Variants in ZNF541 observed in about 807,000 individuals in gnomAD.
ZNF541 encodes zinc finger protein 541.
ZNF541 carries 23 observed loss-of-function variants against 123.5 expected under a neutral mutation model. The ratio of observed to expected loss-of-function variants is 0.19; its 90% CI spans 0.13 to 0.26. ZNF541 has a LOEUF of 0.26. Among genes scored for constraint, ZNF541 ranks in the 10% least tolerant of loss-of-function variants. The pLI, the probability that ZNF541 is intolerant of heterozygous loss-of-function variation, is 1.00. For missense variants in ZNF541, 1,612 were observed against 1,789.9 expected, an observed-to-expected ratio of 0.90 and a Z score of 1.79; for synonymous variants, 751 against 754.5, an observed-to-expected ratio of 1.00 and a Z score of 0.08.
intron 3 of ZNF541, among the ~76,000 whole-genome samples, chr19:47,550,160 G>A (rs1046493312): frequency 2.0e-5 from 3 of 152,062 alleles, no homozygotes; most frequent in African/African-American, 2.4e-5. Context: ...GCTGAGGCAC[G>A]AGAACTGCTT....
At chr19:47,567,598 A>G (rs1440104379) in intron 2 of ZNF541, among the ~76,000 whole-genome samples, 1 of 152,220 alleles carries the variant, frequency 6.6e-6, no homozygotes, top group Non-Finnish European at 1.5e-5. Flanking sequence ...AATGGCTACC[A>G]TATCAGATGG....
intron 2 of ZNF541, among the ~76,000 whole-genome samples, chr19:47,558,278 T>C (rs929727226): frequency 2.0e-5 from 3 of 151,744 alleles, no homozygotes; most frequent in East Asian, 2.0e-4. Context: ...TAGCCGGGCA[T>C]GGTGGTGGGC....
intron 2 of ZNF541, among the ~76,000 whole-genome samples, chr19:47,560,891 C>G (rs889893550): frequency 4.6e-5 from 7 of 151,992 alleles, no homozygotes; most frequent in African/African-American, 1.7e-4. Flanking sequence ...GAATAAAAAG[C>G]AATAAGCTAT....
At chr19:47,540,865 A>G in intron 6 of ZNF541, 28 bp downstream of exon 6, 1 of 1,549,374 alleles carries the variant, frequency 6.5e-7, no homozygotes, top group Non-Finnish European at 8.7e-7. Context: ...GCCAGGGTGC[A>G]TGCAGGATCG....
intron 2 of ZNF541, among the ~76,000 whole-genome samples, chr19:47,565,952 G>A (rs536440472): frequency 5.9e-5 from 9 of 152,246 alleles, no homozygotes; most frequent in African/African-American, 1.4e-4. Context: ...TGAGGTGTGC[G>A]GATCACTTGA....
At position 47,521,691 on chromosome 19, in the gene ZNF541, C is replaced by T. The variant is rs762014384; in HGVS notation, c.3712-37G>A. On this transcript the variant is annotated intron_variant, in intron 15 of 16. Coordinates refer to ENST00000391901, the MANE Select transcript of ZNF541 (RefSeq NM_001277075.3). The surrounding 1 kb of genome is among the most constrained non-coding windows in gnomAD (Gnocchi z 4.2). Reference sequence around the variant, plus strand: ...GCAAAAGTGACATAAGGGTGCTGACCTGTCCTGCTGTAAGAGAGACACAGA... The same window carrying T: ...GCAAAAGTGACATAAGGGTGCTGACTTGTCCTGCTGTAAGAGAGACACAGA... 8.4e-6 allele frequency: 13 copies of T among 1,545,904 alleles called. 1 individual carries two copies. The highest frequency in any genetic ancestry group is 8.4e-5 in the South Asian group (7 of 83,408).
intron 2 of ZNF541, among the ~76,000 whole-genome samples, chr19:47,558,991 G>A (rs960540511): frequency 5.3e-5 from 8 of 151,358 alleles, no homozygotes; most frequent in East Asian, 3.9e-4. Flanking sequence ...TGATCCACCC[G>A]CCTCGGCCTC....
At position 47,571,763 on chromosome 19, in the gene ZNF541, T is replaced by C. The variant is rs142265382; in HGVS notation, c.-99+133A>G. Among the ~76,000 whole-genome samples the C allele has an allele frequency of 5.3e-3, 801 of 152,324 alleles. 16 individuals are homozygous for C. The highest frequency in any genetic ancestry group is 0.018 in the African/African-American group (742 of 41,570). On this transcript the variant is annotated intron_variant, in intron 2 of 16. Transcript: ENST00000391901. ...TAAATAGCCCTTTTCCCTGTTTGAC[T>C]TCTCCAAAGCAGTAACTTGTATGAT...
chr19:47,551,052 T>TA (rs1555775380), intron 3 of ZNF541, among the ~76,000 whole-genome samples: 13 of 147,220 alleles, frequency 8.8e-5, no homozygotes, highest in Admixed American at 2.7e-4. Context: ...TTTTTTTTTT[T>TA]AATTTTTTTT....
At chr19:47,532,828 G>C (rs989196779) in intron 10 of ZNF541, 81 bp downstream of exon 10, 1 of 1,409,432 alleles carries the variant, frequency 7.1e-7, no homozygotes, top group South Asian at 1.3e-5. Flanking sequence ...CCCCACCATG[G>C]GAAGAAGGAA....
chr19:47,565,830 C>A (rs1971240343), intron 2 of ZNF541, among the ~76,000 whole-genome samples: 1 of 152,048 alleles, frequency 6.6e-6, no homozygotes, highest in Non-Finnish European at 1.5e-5. Flanking sequence ...AGTTTTAAAA[C>A]AATTTAAGTC....
At chr19:47,546,823 C>T (rs913151039) in intron 4 of ZNF541, among the ~76,000 whole-genome samples, 7 of 152,118 alleles carry the variant, frequency 4.6e-5, no homozygotes, top group South Asian at 2.1e-4. Flanking sequence ...CAGGTTCAAG[C>T]GATTCTTGTG....
chr19:47,529,500 C>T (rs2078690251), intron 13 of ZNF541, 77 bp downstream of exon 13: 3 of 1,438,392 alleles, frequency 2.1e-6, no homozygotes, highest in Non-Finnish European at 2.9e-6. Context: ...GAGGCAGGGG[C>T]AGAGCTTGCA....
intron 2 of ZNF541, among the ~76,000 whole-genome samples, chr19:47,562,005 T>C (rs926612227): frequency 2.0e-5 from 3 of 152,172 alleles, no homozygotes; most frequent in Admixed American, 2.0e-4. Flanking sequence ...TCCCAGCATT[T>C]TGGGAGGCCG....
Position 47,549,300 on chromosome 19 carries a change from C to T in ZNF541, c.493G>A (p.Glu165Lys). 6.4e-7 allele frequency: 1 copy of T among 1,551,938 alleles called. No individual in the cohort carries two copies. Among genetic ancestry groups the T allele is most frequent in the Non-Finnish European group, 8.7e-7 (1 of 1,147,056 alleles). ...CAGATTTTGCAGACGTGCTTCCTTTCCTGGCTGTGTGTCAGGTAGTGCTTG... is the reference window on the plus strand; with the variant it reads ...CAGATTTTGCAGACGTGCTTCCTTTTCTGGCTGTGTGTCAGGTAGTGCTTG... ...LSKHYLTHSQERKHVCKICSK... is the reference protein window; with the variant it reads ...LSKHYLTHSQKRKHVCKICSK... Residue 165 changes from glutamate (E) to lysine (K), a missense_variant, in exon 4 of 17, where the codon GAA becomes AAA. Glu to Lys is a moderately conservative substitution (Grantham distance 56). Transcript: ENST00000391901.
intron 2 of ZNF541, among the ~76,000 whole-genome samples, chr19:47,567,250 AATTTATTT>A (rs542929615): frequency 1.3e-4 from 20 of 151,802 alleles, no homozygotes; most frequent in African/African-American, 4.3e-4. Flanking sequence ...AGTTTAGTTA[AATTTATTT>A]ATTTATTTAT....
chr19:47,544,565 G>A lies in ZNF541; in HGVS notation c.1964C>T (p.Ala655Val). Reference sequence around the variant, plus strand: ...CGGTGCTGCAAGGGGCGTTGGAACCGCGGCCACTTTCAGTCCCCCCTTTGC... The same window carrying A: ...CGGTGCTGCAAGGGGCGTTGGAACCACGGCCACTTTCAGTCCCCCCTTTGC... ...RDAKGGLKVAAVPTPLAAPSL... is the reference protein window; with the variant it reads ...RDAKGGLKVAVVPTPLAAPSL... The change falls in exon 5 of 17, where the codon GCG becomes GTG. Residue 655 changes from alanine to valine, a missense_variant. By Grantham distance (64) the Ala-to-Val change is moderately conservative (BLOSUM62 0). Transcript: ENST00000391901. 1 of 1,551,584 alleles carries A rather than the reference G, an allele frequency of 6.4e-7. No homozygotes were observed.
At chr19:47,556,721 A>G (rs1049047087) in intron 2 of ZNF541, among the ~76,000 whole-genome samples, 1 of 150,992 alleles carries the variant, frequency 6.6e-6, no homozygotes, top group African/African-American at 2.4e-5. Context: ...ATACGTTTCT[A>G]TATAGATTAA....
rs1482250869 is a variant in ZNF541 at position 47,545,049 on chromosome 19, C to A, written c.1480G>T (p.Gly494Trp). 1.4e-5 allele frequency: 20 copies of A among 1,479,422 alleles called. No homozygotes were observed. Among genetic ancestry groups the A allele is most frequent in the Admixed American group, 7.1e-5 (3 of 42,356 alleles). The allele number at this position is 1,479,422 out of a possible 1,614,324, so 91.6% of individuals were successfully genotyped here. A position where few individuals can be genotyped will look rare whatever the true frequency, so the allele number is the denominator to read the frequency against. ...TTGGGGGCGCAGGGGTCATCTTCCCCGCTGGCCGACCTGGGGTCGCTCGGG... is the reference window on the plus strand; with the variant it reads ...TTGGGGGCGCAGGGGTCATCTTCCCAGCTGGCCGACCTGGGGTCGCTCGGG... ...EAPSDPRSAS[G>W]EDDPCAPKKV... The change falls in exon 5 of 17, where the codon GGG (glycine) becomes TGG (tryptophan). Residue 494 changes from glycine to tryptophan, a missense_variant. Gly to Trp is a radical substitution (Grantham distance 184). This residue lies in a region of ZNF541 where 1,080 missense variants were observed against 1,013.8 expected (regional missense o/e 1.07). Coordinates refer to ENST00000391901, the MANE Select transcript of ZNF541 (RefSeq NM_001277075.3). The surrounding 1 kb of genome is among the most constrained non-coding windows in gnomAD (Gnocchi z 7.5).
Sources: gnomAD v4.1 joint callset for allele counts (sites outside exome capture counted in the v4.1 genomes callset) on GRCh38, gnomAD v4.1.1 for gene constraint, gnomAD v4.1.1 regional missense constraint, Gnocchi (gnomAD v3.1) non-coding constraint, MANE v1.5 for transcripts, NCBI Gene and HGNC (gene_info 2026-07-23, HGNC 2026-07-21) for gene names.